Variants in PTPRD observed in about 807,000 individuals in gnomAD.
PTPRD encodes protein tyrosine phosphatase receptor type D.
A neutral mutation model predicts 214.5 loss-of-function variants in PTPRD; 34 were observed. The ratio of observed to expected loss-of-function variants is 0.16; its 90% confidence interval spans 0.12 to 0.21. The LOEUF (loss-of-function observed/expected upper bound fraction) is 0.21. Ranked by LOEUF, PTPRD falls within the 10% of genes least tolerant of loss-of-function variation. PTPRD has a pLI of 1.00. For synonymous variants in PTPRD, 1,128 were observed against 845.7 expected, an observed-to-expected ratio of 1.33 and a Z score of -5.79; for missense variants, 2,545 against 2,398.7, an observed-to-expected ratio of 1.06 and a Z score of -1.27.
At chr9:8,533,411 T>C (rs2076189446) in intron 14 of PTPRD, among the ~76,000 whole-genome samples, 1 of 152,052 alleles carries the variant, frequency 6.6e-6, no homozygotes, top group African/African-American at 2.4e-5. Flanking sequence ...AATATGTTTA[T>C]AAAGAAAAAG....
In PTPRD at chr9:9,246,383, G is replaced by A. The variant is rs77147381; in HGVS notation, c.-202-63020C>T. Among the ~76,000 whole-genome samples the A allele has an allele frequency of 3.5e-3, 539 of 152,136 alleles. 5 individuals carry two copies. Among genetic ancestry groups the A allele is most frequent in the African/African-American group, 0.012 (518 of 41,538 alleles). ...GATATGGACTTCAGAAAAATCACCAGATTAGCTTATACATACACAAACTTT... is the reference window on the plus strand; with the variant it reads ...GATATGGACTTCAGAAAAATCACCAAATTAGCTTATACATACACAAACTTT... On this transcript the variant is annotated intron_variant, in intron 9 of 45. Coordinates refer to ENST00000381196, the MANE Select transcript of PTPRD (RefSeq NM_002839.4).
intron 8 of PTPRD, among the ~76,000 whole-genome samples, chr9:9,406,442 G>C (rs887690001): frequency 6.6e-6 from 1 of 151,808 alleles, no homozygotes; most frequent in Non-Finnish European, 1.5e-5. Flanking sequence ...GAGCCTTCAA[G>C]AAATATTAAG....
chr9:10,352,159 T>C lies in PTPRD; in HGVS notation c.-599-11142A>G, dbSNP rs549234949. On this transcript the variant is annotated intron_variant, in intron 2 of 45. Coordinates refer to ENST00000381196, the MANE Select transcript of PTPRD (RefSeq NM_002839.4). ...TGGCAGGCAGTTCATTTTCACCTCA[T>C]TTTTGAAACTAAATTGAGTTTTCTT... 2.0e-5 allele frequency among the ~76,000 whole-genome samples: 3 copies of C among 152,130 alleles called. 1 individual carries two copies. Among genetic ancestry groups the C allele is most frequent in the South Asian group, 4.1e-4 (2 of 4,824 alleles).
intron 7 of PTPRD, among the ~76,000 whole-genome samples, chr9:9,706,826 T>C (rs562994201): frequency 6.6e-6 from 1 of 152,094 alleles, no homozygotes; most frequent in East Asian, 1.9e-4. Context: ...CAAAAGCCTG[T>C]TTGGGGTGGG....
At chr9:8,559,452 C>T (rs2085293606) in intron 14 of PTPRD, among the ~76,000 whole-genome samples, 1 of 152,180 alleles carries the variant, frequency 6.6e-6, no homozygotes, top group Non-Finnish European at 1.5e-5. Flanking sequence ...TTCACTATCA[C>T]TTTGAAACCT....
At chr9:9,664,126 A>G (rs1308475745) in intron 7 of PTPRD, among the ~76,000 whole-genome samples, 1 of 149,506 alleles carries the variant, frequency 6.7e-6, no homozygotes, top group African/African-American at 2.4e-5. Context: ...GACTCTAGGG[A>G]GAAGAAGAGC....
intron 9 of PTPRD, among the ~76,000 whole-genome samples, chr9:9,265,988 C>T (rs1269131052): frequency 6.6e-6 from 1 of 151,354 alleles, no homozygotes; most frequent in Non-Finnish European, 1.5e-5. Context: ...CTGTAAGAAA[C>T]TCACATCTGC....
intron 10 of PTPRD, among the ~76,000 whole-genome samples, chr9:9,143,278 GA>G (rs1314470226): frequency 6.6e-6 from 1 of 152,134 alleles, no homozygotes; most frequent in Non-Finnish European, 1.5e-5. Flanking sequence ...TTGATACATA[GA>G]AAATGAAATT....
At chr9:8,623,550 A>G (rs935501918) in intron 14 of PTPRD, among the ~76,000 whole-genome samples, 1 of 151,940 alleles carries the variant, frequency 6.6e-6, no homozygotes, top group African/African-American at 2.4e-5. Context: ...AAATAATTTG[A>G]AATTAACTCT....
At chr9:10,107,821 C>T (rs1407476956) in intron 3 of PTPRD, among the ~76,000 whole-genome samples, 3 of 152,048 alleles carry the variant, frequency 2.0e-5, no homozygotes, top group Admixed American at 6.6e-5. Flanking sequence ...CATTGTCCTT[C>T]CTGGATTATT....
At chr9:9,565,559 T>C (rs993510610) in intron 8 of PTPRD, among the ~76,000 whole-genome samples, 3 of 151,928 alleles carry the variant, frequency 2.0e-5, no homozygotes, top group South Asian at 2.1e-4. Context: ...CAAGACTTTA[T>C]TAATGTATAA....
intron 7 of PTPRD, among the ~76,000 whole-genome samples, chr9:9,631,234 G>GAA (rs797012295): frequency 8.4e-6 from 1 of 118,696 alleles, no homozygotes; most frequent in African/African-American, 3.4e-5. Context: ...AAAAGAAAAA[G>GAA]AAAAAAAAAA....
chr9:8,752,696 G>A (rs1335796635), intron 11 of PTPRD, among the ~76,000 whole-genome samples: 4 of 152,086 alleles, frequency 2.6e-5, no homozygotes, highest in Admixed American at 2.6e-4. Flanking sequence ...GGGGAGCAGA[G>A]ATGAACTAGC....
At chr9:9,827,055 T>C (rs1012700357) in intron 5 of PTPRD, among the ~76,000 whole-genome samples, 23 of 152,072 alleles carry the variant, frequency 1.5e-4, no homozygotes, top group Non-Finnish European at 3.4e-4. Context: ...GAAGAATCAA[T>C]ATCGTGAAAA....
At chr9:9,462,866 T>C (rs913638374) in intron 8 of PTPRD, among the ~76,000 whole-genome samples, 3 of 152,124 alleles carry the variant, frequency 2.0e-5, no homozygotes, top group Non-Finnish European at 2.9e-5. Flanking sequence ...CCTTAGTCTT[T>C]ACCAAAAGTT....
chr9:9,323,229 C>G (rs1403941222), intron 9 of PTPRD, among the ~76,000 whole-genome samples: 2 of 151,990 alleles, frequency 1.3e-5, no homozygotes, highest in Non-Finnish European at 2.9e-5. Context: ...GAGAAAAAAT[C>G]ATTGGTTTTA....
intron 14 of PTPRD, among the ~76,000 whole-genome samples, chr9:8,551,198 C>A (rs1225908800): frequency 6.6e-6 from 1 of 152,138 alleles, no homozygotes; most frequent in South Asian, 2.1e-4. Flanking sequence ...GTGACTTTAA[C>A]CTCCGTAGGC....
intron 7 of PTPRD, among the ~76,000 whole-genome samples, chr9:9,661,516 T>TGCATA (rs1377151168): frequency 6.6e-5 from 10 of 151,862 alleles, no homozygotes; most frequent in African/African-American, 2.4e-4. Flanking sequence ...TATGCTAAAC[T>TGCATA]ATGGTATCAT....
intron 3 of PTPRD, among the ~76,000 whole-genome samples, chr9:10,215,247 G>C (rs2099535959): frequency 6.6e-6 from 1 of 151,570 alleles, no homozygotes; most frequent in Non-Finnish European, 1.5e-5. Context: ...AATGAAACAA[G>C]AGGCTCTAAG....
Sources: allele counts gnomAD v4.1 joint callset (sites outside exome capture counted in the v4.1 genomes callset), GRCh38; gene constraint gnomAD v4.1.1; transcripts MANE v1.5; gene names NCBI Gene and HGNC (gene_info 2026-07-23, HGNC 2026-07-21).